Variants in TRIO observed in about 807,000 individuals in gnomAD.
TRIO encodes the protein triple functional domain protein.
TRIO carries 58 observed loss-of-function variants against 351.9 expected under a neutral mutation model. The observed-to-expected ratio is 0.16, with a 90% CI of 0.13 to 0.21. The LOEUF is 0.21. Among genes scored for constraint, TRIO ranks in the 10% least tolerant of loss-of-function variants. The pLI is 1.00. For missense variants in TRIO, 3,201 were observed against 4,027.8 expected, an observed-to-expected ratio of 0.79 and a Z score of 5.56; for synonymous variants, 1,758 against 1,595.7, an observed-to-expected ratio of 1.10 and a Z score of -2.42.
At chr5:14,166,145 G>A (rs1259145233) in intron 1 of TRIO, among the ~76,000 whole-genome samples, 1 of 152,244 alleles carries the variant, frequency 6.6e-6, no homozygotes, top group Non-Finnish European at 1.5e-5. Context: ...GATGCTCCCG[G>A]TGGAGAGTCT....
intron 34 of TRIO, among the ~76,000 whole-genome samples, chr5:14,449,044 G>T (rs1252292409): frequency 6.6e-6 from 1 of 152,220 alleles, no homozygotes; most frequent in African/African-American, 2.4e-5. Flanking sequence ...GTCAGTATTT[G>T]TCCAGAGTAG....
chr5:14,407,911 C>T (rs1271597340), intron 33 of TRIO, among the ~76,000 whole-genome samples: 1 of 152,178 alleles, frequency 6.6e-6, no homozygotes, highest in African/African-American at 2.4e-5. Context: ...GAATGCTAGA[C>T]TGAATTCTTT....
At chr5:14,457,777 C>T (rs755034203) in intron 34 of TRIO, among the ~76,000 whole-genome samples, 1 of 152,034 alleles carries the variant, frequency 6.6e-6, no homozygotes, top group Non-Finnish European at 1.5e-5. Context: ...CCCTGCATGC[C>T]CTTTTCCGAG....
intron 21 of TRIO, among the ~76,000 whole-genome samples, chr5:14,383,601 CT>C: frequency 6.6e-6 from 1 of 152,166 alleles, no homozygotes; most frequent in Non-Finnish European, 1.5e-5. Flanking sequence ...GATATATGAC[CT>C]TTCTGATCCT....
chr5:14,496,999 C>G lies in TRIO; in HGVS notation c.8001C>G (p.Ser2667Arg). ...NGYRKSREGL[S>R]NKVSVKLLNP... is the part of the protein sequence containing the mutation. ...ATCGGAAGTCACGGGAAGGACTCAG[C>G]AACAAGGTATCTGTGAAGGTGTGTT... The change falls in exon 50 of 57, where the codon AGC (serine) becomes AGG (arginine). Residue 2667 changes from serine to arginine, a missense_variant. By Grantham distance (110) the Ser-to-Arg change is moderately radical. Around this residue, in one of 19 missense-constraint regions of TRIO, gnomAD observed 1,089 missense variants for 954.9 expected, o/e 1.14. Transcript: ENST00000344204. The G allele has an allele frequency of 6.2e-7, 1 of 1,614,216 alleles. No homozygotes were observed. Among genetic ancestry groups the G allele is most frequent in the Non-Finnish European group, 8.5e-7 (1 of 1,180,028 alleles).
rs1184761487 is a variant in TRIO, at chr5:14,496,983, C to T, written c.7985C>T (p.Ser2662Leu). The change falls in exon 50 of 57, where the codon TCA becomes TTA. Residue 2662 changes from serine to leucine, a missense_variant. By Grantham distance (145) the Ser-to-Leu change is moderately radical. Around this residue, in one of 19 missense-constraint regions of TRIO, gnomAD observed 1,089 missense variants for 954.9 expected, o/e 1.14. Transcript: ENST00000344204. ...EGKLENGYRK[S>L]REGLSNKVSV... is the part of the protein sequence containing the mutation. Reference sequence around the variant, plus strand: ...AAGTTAGAGAACGGTTATCGGAAGTCACGGGAAGGACTCAGCAACAAGGTA... The same window carrying T: ...AAGTTAGAGAACGGTTATCGGAAGTTACGGGAAGGACTCAGCAACAAGGTA... 1 of 1,614,170 alleles carries T rather than the reference C, an allele frequency of 6.2e-7. No individual in the cohort carries two copies. The highest frequency in any genetic ancestry group is 1.3e-5 in the African/African-American group (1 of 75,034).
rs749550202 is a variant in TRIO, at chr5:14,479,359, T to C, written c.6243+9T>C. The C allele has an allele frequency of 4.6e-5, 73 of 1,593,612 alleles. No individual in the cohort carries two copies. Among genetic ancestry groups the C allele is most frequent in the Non-Finnish European group, 6.3e-5 (73 of 1,165,608 alleles). On this transcript the variant is annotated intron_variant, in intron 42 of 56. Coordinates refer to ENST00000344204, the MANE Select transcript of TRIO (RefSeq NM_007118.4). ...TTGATACCTTTTTTGAGGTAAGACC[T>C]AAGATACAAACAGAAAGTATTTCTG...
At chr5:14,208,234 C>A (rs774610995) in intron 1 of TRIO, among the ~76,000 whole-genome samples, 27 of 152,096 alleles carry the variant, frequency 1.8e-4, no homozygotes, top group Non-Finnish European at 8.8e-5. Context: ...TCATAATAGC[C>A]AAAAATGAAA....
At chr5:14,419,757 C>G (rs1749957608) in intron 33 of TRIO, 21 bp from the exon 34 acceptor site, 1 of 1,613,180 alleles carries the variant, frequency 6.2e-7, no homozygotes. Flanking sequence ...GACCTGTCCT[C>G]TCTTCCTCTG....
Position 14,286,932 on chromosome 5 carries a change from T to C in TRIO, c.409T>C (p.Ser137Pro). ...GGACATGCGTGGGTCCAAGTGGGAC[T>C]CCATCAAGCCCCTTCTGAAGATCCT... ...IVDMRGSKWD[S>P]IKPLLKILQE... The change falls in exon 4 of 57, where the codon TCC (serine) becomes CCC (proline). Residue 137 changes from serine (S) to proline (P), a missense_variant. Physicochemically the swap from Ser to Pro is moderately conservative, Grantham distance 74. Around this residue, in one of 19 missense-constraint regions of TRIO, gnomAD observed 30 missense variants for 35.1 expected, o/e 0.85. Coordinates refer to ENST00000344204, the MANE Select transcript of TRIO (RefSeq NM_007118.4). This position sits in a 1 kb window ranked among gnomAD's most constrained non-coding sequence, Gnocchi z 4.4. 2 of 1,614,124 alleles carry C rather than the reference T, an allele frequency of 1.2e-6. No homozygotes were observed. Among genetic ancestry groups the C allele is most frequent in the Non-Finnish European group, 1.7e-6 (2 of 1,179,988 alleles).
chr5:14,308,634 C>G (rs990791049), intron 8 of TRIO, among the ~76,000 whole-genome samples: 1 of 142,310 alleles, frequency 7.0e-6, no homozygotes, highest in African/African-American at 2.5e-5. Context: ...AACCAGTCAC[C>G]CAACCACCCA....
At chr5:14,256,337 G>C (rs1232991435) in intron 1 of TRIO, among the ~76,000 whole-genome samples, 1 of 152,064 alleles carries the variant, frequency 6.6e-6, no homozygotes, top group Non-Finnish European at 1.5e-5. Context: ...CTCCCACCAC[G>C]CCCCACCTCC....
intron 34 of TRIO, among the ~76,000 whole-genome samples, chr5:14,424,981 T>C (rs1312556972): frequency 1.3e-5 from 2 of 152,080 alleles, no homozygotes; most frequent in African/African-American, 4.8e-5. Flanking sequence ...TCTCCCACCA[T>C]CTCCCCACTT....
chr5:14,368,749 A>G lies in TRIO; in HGVS notation c.2916A>G (p.Glu972=). The part of the protein sequence containing the change: ...QSALQVQQKA[E]AMLQANHYDM... ...CGCTGCAGGTGCAGCAGAAGGCAGA[A>G]GCCATGCTACAGGCCAACCACTACG... is the stretch of plus-strand genomic sequence containing the variant. The change falls in exon 17 of 57, where the codon GAA becomes GAG. Residue 972 remains glutamate (E), a synonymous_variant. Coordinates refer to ENST00000344204, the MANE Select transcript of TRIO (RefSeq NM_007118.4). 2 of 1,614,130 alleles carry G rather than the reference A, an allele frequency of 1.2e-6. No individual in the cohort carries two copies. Among genetic ancestry groups the G allele is most frequent in the Non-Finnish European group, 1.7e-6 (2 of 1,180,014 alleles).
chr5:14,150,922 C>T (rs1787790614), intron 1 of TRIO, among the ~76,000 whole-genome samples: 1 of 152,070 alleles, frequency 6.6e-6, no homozygotes. Flanking sequence ...TTTGGAAATC[C>T]ATCTGGTGTA....
At chr5:14,458,450 G>T (rs1753530415) in intron 34 of TRIO, among the ~76,000 whole-genome samples, 2 of 152,174 alleles carry the variant, frequency 1.3e-5, no homozygotes, top group Non-Finnish European at 2.9e-5. Flanking sequence ...CTCCTTCAGG[G>T]ACCCTTCCAT....
chr5:14,425,631 TCCGTATGTTGAAATCTAA>T (rs1750578652), intron 34 of TRIO, among the ~76,000 whole-genome samples: 1 of 152,162 alleles, frequency 6.6e-6, no homozygotes, highest in Admixed American at 6.5e-5. Flanking sequence ...CCTTCCAAAA[TCCGTATGTTGAAATCTAA>T]CCGCCAATGT....
At chr5:14,145,572 C>G (rs893695986) in intron 1 of TRIO, among the ~76,000 whole-genome samples, 1 of 151,672 alleles carries the variant, frequency 6.6e-6, no homozygotes. Context: ...AGAACTGGGA[C>G]GTATTCCCTT....
chr5:14,382,920 C>T (rs1487863251), intron 21 of TRIO, among the ~76,000 whole-genome samples: 1 of 151,546 alleles, frequency 6.6e-6, no homozygotes, highest in Non-Finnish European at 1.5e-5. Flanking sequence ...TAGTTATGCA[C>T]ATTATATGAT....
Sources: gnomAD v4.1 joint callset for allele counts (sites outside exome capture counted in the v4.1 genomes callset) on GRCh38, gnomAD v4.1.1 for gene constraint, gnomAD v4.1.1 regional missense constraint, Gnocchi (gnomAD v3.1) non-coding constraint, MANE v1.5 for transcripts, NCBI Gene and HGNC (gene_info 2026-07-23, HGNC 2026-07-21) for gene names.